The following NELL2 variants were observed in gnomAD, a reference collection of about 807,000 sequenced individuals.
NELL2 encodes neural EGFL like 2.
Under a neutral mutation model 109.6 loss-of-function variants are expected in NELL2, and 41 were observed. The ratio of observed to expected loss-of-function variants is 0.37; its 90% confidence interval spans 0.29 to 0.49. The LOEUF (loss-of-function observed/expected upper bound fraction) is 0.49. Ranked by LOEUF, NELL2 falls within the 20% of genes least tolerant of loss-of-function variation. The pLI is 0.98. For missense variants in NELL2, 900 were observed against 1,008.3 expected (o/e 0.89, Z 1.45); for synonymous variants, 355 against 344.7 (o/e 1.03, Z -0.33).
chr12:44,511,162 G>C (rs112073021), intron 19 of NELL2, among the ~76,000 whole-genome samples: 1 of 152,082 alleles, frequency 6.6e-6, no homozygotes, highest in African/African-American at 2.4e-5. Context: ...TTCCATATTG[G>C]ATATGTTCTG....
intron 9 of NELL2, among the ~76,000 whole-genome samples, chr12:44,763,973 A>G (rs1051675114): frequency 6.6e-6 from 1 of 152,166 alleles, no homozygotes; most frequent in African/African-American, 2.4e-5. Flanking sequence ...TTCTCAGCAG[A>G]ACCACCCAGC....
intron 12 of NELL2, 115 bp from the exon 13 acceptor site, chr12:44,665,724 A>C: frequency 1.7e-6 from 2 of 1,182,684 alleles, no homozygotes; most frequent in South Asian, 4.8e-5. Context: ...ATTTCAGAAA[A>C]GCATTCATGA....
chr12:44,767,111 A>T (rs879924491), intron 9 of NELL2, among the ~76,000 whole-genome samples: 2 of 152,194 alleles, frequency 1.3e-5, no homozygotes, highest in Non-Finnish European at 2.9e-5. Flanking sequence ...TTCATATCAG[A>T]CAAAAGGGGA....
At chr12:44,626,522 A>G (rs1946270834) in intron 13 of NELL2, among the ~76,000 whole-genome samples, 2 of 152,150 alleles carry the variant, frequency 1.3e-5, no homozygotes, top group South Asian at 4.1e-4. Flanking sequence ...ATACTATACA[A>G]AATTATTTGC....
intron 15 of NELL2, among the ~76,000 whole-genome samples, chr12:44,558,304 G>C (rs935396109): frequency 6.6e-6 from 1 of 152,172 alleles, no homozygotes; most frequent in Non-Finnish European, 1.5e-5. Context: ...AAATTAATTA[G>C]TTCTTCTCTG....
chr12:44,840,463 T>C (rs1478460739), intron 2 of NELL2, among the ~76,000 whole-genome samples: 1 of 152,100 alleles, frequency 6.6e-6, no homozygotes, highest in African/African-American at 2.4e-5. Flanking sequence ...GGCTCTTTTT[T>C]CCTTTCAAAA....
At chr12:44,732,427 A>T (rs1186997504) in intron 9 of NELL2, among the ~76,000 whole-genome samples, 1 of 151,984 alleles carries the variant, frequency 6.6e-6, no homozygotes, top group Non-Finnish European at 1.5e-5. Context: ...GCAAATCTCC[A>T]ACAAGAATAC....
chr12:44,680,636 A>G (rs186666808), intron 12 of NELL2, among the ~76,000 whole-genome samples: 7 of 152,122 alleles, frequency 4.6e-5, no homozygotes, highest in African/African-American at 1.4e-4. Flanking sequence ...CACACTCATT[A>G]AAGCCAGCAC....
intron 13 of NELL2, among the ~76,000 whole-genome samples, chr12:44,661,575 A>T (rs534303012): frequency 6.6e-6 from 1 of 152,128 alleles, no homozygotes; most frequent in Non-Finnish European, 1.5e-5. Flanking sequence ...TAACAATTCC[A>T]TCTTTGTTTC....
In NELL2 at chr12:44,875,328, G is replaced by A; in HGVS notation, c.81C>T (p.Ser27=). 1.2e-6 allele frequency: 2 copies of A among 1,614,118 alleles called. No individual in the cohort carries two copies. Among genetic ancestry groups the A allele is most frequent in the Non-Finnish European group, 1.7e-6 (2 of 1,180,038 alleles). Residue 27 remains serine (S), a synonymous_variant, in exon 2 of 20, where the codon TCC becomes TCT. Transcript: ENST00000429094. ...ACTCTGTTAAGACGTCAATCTGTAG[G>A]GAAGGGTCCACACCAAGCCCCCAAA... The part of the protein sequence containing the change: ...GAVWGLGVDP[S]LQIDVLTELE...
intron 13 of NELL2, among the ~76,000 whole-genome samples, chr12:44,648,684 T>C (rs1947181517): frequency 6.7e-6 from 1 of 149,466 alleles, no homozygotes; most frequent in Non-Finnish European, 1.5e-5. Context: ...GAACTGAGAT[T>C]GTGGCAGTGG....
intron 12 of NELL2, among the ~76,000 whole-genome samples, chr12:44,670,947 G>C (rs949217139): frequency 6.6e-6 from 1 of 152,072 alleles, no homozygotes. Context: ...ATACTACATG[G>C]AGTTAACATT....
chr12:44,766,503 A>G (rs999299241), intron 9 of NELL2, among the ~76,000 whole-genome samples: 1 of 152,190 alleles, frequency 6.6e-6, no homozygotes, highest in African/African-American at 2.4e-5. Flanking sequence ...TCTTACTTCA[A>G]AATGCAATTT....
At chr12:44,516,424 T>C (rs764761737) in intron 19 of NELL2, among the ~76,000 whole-genome samples, 3 of 152,188 alleles carry the variant, frequency 2.0e-5, no homozygotes, top group Non-Finnish European at 4.4e-5. Context: ...GTGTATTTTT[T>C]AATGATATTA....
chr12:44,805,409 C>T lies in NELL2; in HGVS notation c.335+10577G>A, dbSNP rs1294100553. 2.0e-5 allele frequency among the ~76,000 whole-genome samples: 3 copies of T among 151,780 alleles called. No homozygotes were observed. In the East Asian group the frequency reaches 5.8e-4, roughly 29 times the overall value. ...GAAATCAACAAATAGGTTAGTAGAACAGAAAACAGGGCCCAGAAACCGACC... is the reference window on the plus strand; with the variant it reads ...GAAATCAACAAATAGGTTAGTAGAATAGAAAACAGGGCCCAGAAACCGACC... On this transcript the variant is annotated intron_variant, in intron 3 of 19. Transcript: ENST00000429094.
chr12:44,618,729 C>T (rs897090590), intron 13 of NELL2, among the ~76,000 whole-genome samples: 1 of 152,068 alleles, frequency 6.6e-6, no homozygotes, highest in African/African-American at 2.4e-5. Flanking sequence ...GAATAGATAA[C>T]TAACTATGAT....
chr12:44,848,075 C>G (rs1049181570), intron 2 of NELL2, among the ~76,000 whole-genome samples: 1 of 151,364 alleles, frequency 6.6e-6, no homozygotes, highest in Non-Finnish European at 1.5e-5. Flanking sequence ...TGCCCACTTC[C>G]TGTTGACTCA....
intron 12 of NELL2, among the ~76,000 whole-genome samples, chr12:44,697,289 C>T (rs1949093556): frequency 6.6e-6 from 1 of 152,088 alleles, no homozygotes; most frequent in Admixed American, 6.5e-5. Flanking sequence ...ACCGGGCAGC[C>T]CAGGGGACAA....
chr12:44,746,277 T>C (rs1465134926), intron 9 of NELL2, among the ~76,000 whole-genome samples: 4 of 152,086 alleles, frequency 2.6e-5, no homozygotes, highest in Admixed American at 6.6e-5. Context: ...CCCTTCCTTA[T>C]ACCTTATACA....
Sources: allele counts gnomAD v4.1 joint callset (sites outside exome capture counted in the v4.1 genomes callset), GRCh38; gene constraint gnomAD v4.1.1; transcripts MANE v1.5; gene names NCBI Gene and HGNC (gene_info 2026-07-23, HGNC 2026-07-21).